KRT12: variants seen among roughly 807,000 people sequenced by gnomAD.
KRT12 encodes keratin, type I cytoskeletal 12.
In KRT12, 43 loss-of-function variants were observed where a neutral mutation model predicts 50.2. That is an observed-to-expected ratio of 0.86 (90% CI 0.67 to 1.11). The LOEUF (loss-of-function observed/expected upper bound fraction) is 1.11. Ranked by LOEUF, KRT12 falls within the 50% of genes least tolerant of loss-of-function variation. The pLI is 0.00. For missense variants in KRT12, 588 were observed against 625.6 expected (o/e 0.94, Z 0.64); for synonymous variants, 257 against 253.6 (o/e 1.01, Z -0.13).
In KRT12 at chr17:40,866,250, A is replaced by T. The variant is rs1380451908; in HGVS notation, c.568-13T>A. 1.5e-5 allele frequency: 24 copies of T among 1,606,972 alleles called. No homozygotes were observed. The highest frequency in any genetic ancestry group is 2.0e-5 in the Non-Finnish European group (24 of 1,173,556). On this transcript the variant is annotated splice_polypyrimidine_tract_variant and intron_variant, in intron 1 of 7. Transcript: ENST00000251643. Reference sequence around the variant, plus strand: ...TGGCTGAAATGATCTGGCAAAAGAGAGGGACACACACAAGATTGAAGCCCT... The same window carrying T: ...TGGCTGAAATGATCTGGCAAAAGAGTGGGACACACACAAGATTGAAGCCCT...
intron 2 of KRT12, among the ~76,000 whole-genome samples, 163 bp from the exon 3 acceptor site, chr17:40,865,125 T>G (rs1906971441): frequency 6.6e-6 from 1 of 152,250 alleles, no homozygotes; most frequent in Non-Finnish European, 1.5e-5. Context: ...CTTTCCTTTT[T>G]TCCCACCATT....
At chr17:40,866,494 G>T in intron 1 of KRT12, 126 bp downstream of exon 1, 1 of 848,682 alleles carries the variant, frequency 1.2e-6, no homozygotes. Context: ...AACCTGGGAT[G>T]AGAAAATTGC....
chr17:40,866,946 G>C lies in KRT12; in HGVS notation c.241C>G (p.Leu81Val). The C allele has an allele frequency of 6.2e-7, 1 of 1,606,318 alleles. No individual in the cohort carries two copies. The highest frequency in any genetic ancestry group is 8.5e-7 in the Non-Finnish European group (1 of 1,176,436). The change falls in exon 1 of 8, where the codon CTG becomes GTG. Residue 81 changes from leucine (L) to valine (V), a missense_variant. Transcript: ENST00000251643. ...AGGGCTCTCCCATAACCAGCACCCAGTCCTCCTGCCATGGAACTTCCGGAG... is the reference window on the plus strand; with the variant it reads ...AGGGCTCTCCCATAACCAGCACCCACTCCTCCTGCCATGGAACTTCCGGAG... The part of the protein sequence containing the change: ...GGSGSSMAGG[L>V]GAGYGRALGG...
chr17:40,866,525 A>G, intron 1 of KRT12, 95 bp downstream of exon 1: 1 of 1,142,160 alleles, frequency 8.8e-7, no homozygotes, highest in South Asian at 1.3e-5. Flanking sequence ...GCTAAATTGG[A>G]AAATATCAAA....
At position 40,866,951 on chromosome 17, in the gene KRT12, C is replaced by A. The variant is rs1314156665; in HGVS notation, c.236G>T (p.Gly79Val). 1.2e-6 allele frequency: 2 copies of A among 1,605,224 alleles called. No homozygotes were observed. The highest frequency in any genetic ancestry group is 1.7e-6 in the Non-Finnish European group (2 of 1,176,020). Residue 79 changes from glycine to valine, a missense_variant, in exon 1 of 8, where the codon GGA becomes GTA. Gly to Val is a moderately radical substitution (Grantham distance 109). Transcript: ENST00000251643. The part of the protein sequence containing the change: ...FGGGSGSSMA[G>V]GLGAGYGRAL... Reference sequence around the variant, plus strand: ...TCTCCCATAACCAGCACCCAGTCCTCCTGCCATGGAACTTCCGGAGCCACC... The same window carrying A: ...TCTCCCATAACCAGCACCCAGTCCTACTGCCATGGAACTTCCGGAGCCACC...
Position 40,866,765 on chromosome 17 carries a change from T to C in KRT12, c.422A>G (p.Asp141Gly). ...AGCCTCTTCTAGAGCTCGCACCTTATCCAGGTAGGAAGCTAATCTATCATT... is the reference window on the plus strand; with the variant it reads ...AGCCTCTTCTAGAGCTCGCACCTTACCCAGGTAGGAAGCTAATCTATCATT... ...NLNDRLASYL[D>G]KVRALEEANT... Residue 141 changes from aspartate to glycine, a missense_variant, in exon 1 of 8, where the codon GAT becomes GGT. Transcript: ENST00000251643. 1 of 1,614,176 alleles carries C rather than the reference T, an allele frequency of 6.2e-7. No homozygotes were observed. The highest frequency in any genetic ancestry group is 8.5e-7 in the Non-Finnish European group (1 of 1,180,026).
At position 40,867,016 on chromosome 17, in the gene KRT12, A is replaced by G; in HGVS notation, c.171T>C (p.Phe57=). 1 of 1,597,582 alleles carries G rather than the reference A, an allele frequency of 6.3e-7. No homozygotes were observed. Among genetic ancestry groups the G allele is most frequent in the Non-Finnish European group, 8.5e-7 (1 of 1,172,396 alleles). The change falls in exon 1 of 8, where the codon TTT becomes TTC. Residue 57 remains phenylalanine (F), a synonymous_variant. Transcript: ENST00000251643. ...TAGAACCAAACATGGAAGCAGCAGA[A>G]AAGCCTCCCCCACAGCTGGCTCCAA... ...FGFGASCGGG[F]SAASMFGSSS...
Position 40,866,883 on chromosome 17 carries a change from CA to C in KRT12, c.303del (p.Phe101LeufsTer10). Reference sequence around the variant, plus strand: ...AGAGAGCCACCTCCTGGGCTGCCCCCAAATCCCATCCCCAGCCCTCCAAAGC... The same window carrying C: ...AGAGAGCCACCTCCTGGGCTGCCCCCAATCCCATCCCCAGCCCTCCAAAGC... ...GGSFGGLGMGFGGSPGGGSLG... is the reference protein window; with the variant it reads ...GGSFGGLGMGXGGSPGGGSLG... On this transcript the variant is annotated frameshift_variant, in exon 1 of 8. Coordinates refer to ENST00000251643, the MANE Select transcript of KRT12 (RefSeq NM_000223.4). LOFTEE classifies it high-confidence loss of function. The C allele has an allele frequency of 6.2e-7, 1 of 1,614,144 alleles. No individual in the cohort carries two copies. Among genetic ancestry groups the C allele is most frequent in the Non-Finnish European group, 8.5e-7 (1 of 1,180,026 alleles).
chr17:40,863,831 C>T lies in KRT12; in HGVS notation c.841G>A (p.Glu281Lys), dbSNP rs1169210524. The T allele has an allele frequency of 1.2e-6, 2 of 1,609,182 alleles. No homozygotes were observed. The highest frequency in any genetic ancestry group is 1.7e-6 in the Non-Finnish European group (2 of 1,178,240). The change falls in exon 4 of 8, where the codon GAG becomes AAG. Residue 281 changes from glutamate to lysine, a missense_variant. Glu to Lys is a moderately conservative substitution (Grantham distance 56, BLOSUM62 1). Coordinates refer to ENST00000251643, the MANE Select transcript of KRT12 (RefSeq NM_000223.4). This position sits in a 1 kb window ranked among gnomAD's most constrained non-coding sequence, Gnocchi z 4.2. ...GCAGCGTCCATTTCTACGCTGACCT[C>T]GCCTGGGCCGCCCACCCGGAAGCTT... is the stretch of plus-strand genomic sequence containing the variant. ...LQSFRVGGPG[E>K]VSVEMDAAPG... is the part of the protein sequence containing the mutation.
Position 40,864,975 on chromosome 17 carries a change from T to G in KRT12, c.651-13A>C. The G allele has an allele frequency of 1.9e-6, 3 of 1,614,218 alleles. No homozygotes were observed. Among genetic ancestry groups the G allele is most frequent in the Non-Finnish European group, 2.5e-6 (3 of 1,180,006 alleles). ...TTCATTCTCATACCTGAAAACCAAG[T>G]GCAAAGCAGTTGAGGGAATCAACAC... is the stretch of plus-strand genomic sequence containing the variant. On this transcript the variant is annotated splice_polypyrimidine_tract_variant and intron_variant, in intron 2 of 7. Transcript: ENST00000251643.
chr17:40,863,545 G>A lies in KRT12; in HGVS notation c.1035C>T (p.Val345=), dbSNP rs1906885867. The A allele has an allele frequency of 1.2e-6, 2 of 1,614,128 alleles. No individual in the cohort carries two copies. Among genetic ancestry groups the A allele is most frequent in the South Asian group, 2.2e-5 (2 of 91,088 alleles). Residue 345 remains valine, a synonymous_variant, in exon 5 of 8, where the codon GTC becomes GTT. Transcript: ENST00000251643. This position sits in a 1 kb window ranked among gnomAD's most constrained non-coding sequence, Gnocchi z 4.2. ...TCTGAAAGGCGCGACGCAGGTCGGT[G>A]ACCTCGCTCTTGCTGGACTGAAGCT... ...TEQLQSSKSE[V]TDLRRAFQNL... is the part of the protein sequence containing the mutation.
Position 40,863,807 on chromosome 17 carries a change from CA to C in KRT12, c.864del (p.Ala289ProfsTer77). On this transcript the variant is annotated frameshift_variant, in exon 4 of 8. Transcript: ENST00000251643. LOFTEE classifies it high-confidence loss of function. The surrounding 1 kb of genome is among the most constrained non-coding windows in gnomAD (Gnocchi z 4.2). ...GPGEVSVEMD[A>X]APGVDLTRLL... is the part of the protein sequence containing the mutation. Reference sequence around the variant, plus strand: ...AGCCTGGTGAGGTCCACTCCGGGGGCAGCGTCCATTTCTACGCTGACCTCGC... The same window carrying C: ...AGCCTGGTGAGGTCCACTCCGGGGGCGCGTCCATTTCTACGCTGACCTCGC... 1 of 1,612,296 alleles carries C rather than the reference CA, an allele frequency of 6.2e-7. No individual in the cohort carries two copies. Among genetic ancestry groups the C allele is most frequent in the Non-Finnish European group, 8.5e-7 (1 of 1,179,840 alleles).
Position 40,863,091 on chromosome 17 carries a change from G to T in KRT12, c.1316+32C>A. On this transcript the variant is annotated intron_variant, in intron 6 of 7. Transcript: ENST00000251643. This position sits in a 1 kb window ranked among gnomAD's most constrained non-coding sequence, Gnocchi z 4.2. ...TGCTGCCCACTCTTGGTCAGCCCCT[G>T]AAGGTGTTTACAGCCTCCGTTGTCT... 1 of 1,588,434 alleles carries T rather than the reference G, an allele frequency of 6.3e-7. No homozygotes were observed. The highest frequency in any genetic ancestry group is 8.6e-7 in the Non-Finnish European group (1 of 1,156,686).
rs1295471683 is a variant in KRT12 at position 40,861,665 on chromosome 17, A to G, written c.1481T>C (p.Met494Thr). 6.3e-7 allele frequency: 1 copy of G among 1,592,794 alleles called. No homozygotes were observed. The highest frequency in any genetic ancestry group is 8.6e-7 in the Non-Finnish European group (1 of 1,160,536). ...TGGGGCAGATCTTGTGAAATTTTAC[A>G]TTAGTTCTTCAATTTCCTGAACTTG... ...SSQVQEIEEL[M>T] Residue 494 changes from methionine (M) to threonine (T), a missense_variant, in exon 8 of 8, where the codon ATG (methionine) becomes ACG (threonine). Physicochemically the swap from Met to Thr is moderately conservative, Grantham distance 81. Transcript: ENST00000251643.
rs1052864922 is a variant in KRT12 at position 40,861,382 on chromosome 17, G to A, written c.*279C>T. ...AAGCTCTATGATTAAAAAATATTCC[G>A]GGTTACCAGAAGAAAGTTCGTTAAA... On this transcript the variant is annotated 3_prime_UTR_variant, in exon 8 of 8. Coordinates refer to ENST00000251643, the MANE Select transcript of KRT12 (RefSeq NM_000223.4). 27 of 452,594 alleles carry A rather than the reference G, an allele frequency of 6.0e-5. No homozygotes were observed. The highest frequency in any genetic ancestry group is 8.4e-5 in the Non-Finnish European group (21 of 251,430). 28.0% of individuals were successfully genotyped at this position (452,594 alleles called of 1,614,324 possible).
In KRT12 at chr17:40,866,646, G is replaced by C; in HGVS notation, c.541C>G (p.Pro181Ala). ...TTATTCCTGAGGTCTTCAATCAGTG[G>C]ATAATATTTGCTGTAATCGCTCTGT... Reference protein sequence around the residue: ...ASQSDYSKYYPLIEDLRNKII... With the variant: ...ASQSDYSKYYALIEDLRNKII... Residue 181 changes from proline (P) to alanine (A), a missense_variant, in exon 1 of 8, where the codon CCA (proline) becomes GCA (alanine). Coordinates refer to ENST00000251643, the MANE Select transcript of KRT12 (RefSeq NM_000223.4). The C allele has an allele frequency of 6.2e-7, 1 of 1,614,082 alleles. No homozygotes were observed. Among genetic ancestry groups the C allele is most frequent in the African/African-American group, 1.3e-5 (1 of 75,024 alleles).
In KRT12 at chr17:40,863,114, T is replaced by C; in HGVS notation, c.1316+9A>G. The C allele has an allele frequency of 6.2e-7, 1 of 1,613,756 alleles. No individual in the cohort carries two copies. Among genetic ancestry groups the C allele is most frequent in the Non-Finnish European group, 8.5e-7 (1 of 1,179,642 alleles). ...CTGAAGGTGTTTACAGCCTCCGTTG[T>C]CTGCTCACCCTTGGGCCTCCCCGTC... On this transcript the variant is annotated intron_variant, in intron 6 of 7. Transcript: ENST00000251643. The surrounding 1 kb of genome is among the most constrained non-coding windows in gnomAD (Gnocchi z 4.2).
At chr17:40,866,590 T>G (rs759317505) in intron 1 of KRT12, 30 bp downstream of exon 1, 1 of 1,576,554 alleles carries the variant, frequency 6.3e-7, no homozygotes, top group East Asian at 2.2e-5. Context: ...AAAAAAAAAA[T>G]TCCCAAAGCG....
chr17:40,862,172 G>T lies in KRT12; in HGVS notation c.1387+393C>A, dbSNP rs142741151. On this transcript the variant is annotated intron_variant, in intron 7 of 7. Transcript: ENST00000251643. ...TAACCTCTAACTCCCGGGCTCAAGC[G>T]GTCCTCCTGCCTCAGCCTCCAGAGT... Among the ~76,000 whole-genome samples, 364 of 152,122 alleles carry T rather than the reference G, an allele frequency of 2.4e-3. 4 individuals are homozygous for T. Among genetic ancestry groups the T allele is most frequent in the Admixed American group, 3.5e-3 (53 of 15,278 alleles).
Sources: gnomAD v4.1 joint callset for allele counts (sites outside exome capture counted in the v4.1 genomes callset) on GRCh38, gnomAD v4.1.1 for gene constraint, Gnocchi (gnomAD v3.1) non-coding constraint, MANE v1.5 for transcripts, NCBI Gene and HGNC (gene_info 2026-07-23, HGNC 2026-07-21) for gene names.